SYK: variants seen among roughly 807,000 people sequenced by gnomAD.
SYK encodes tyrosine-protein kinase SYK.
In SYK, 16 loss-of-function variants were observed where a neutral mutation model predicts 77.8. That is an observed-to-expected ratio of 0.21 (90% CI 0.14 to 0.31). The LOEUF (loss-of-function observed/expected upper bound fraction) is 0.31. Among genes scored for constraint, SYK ranks in the 10% least tolerant of loss-of-function variants. The pLI, the probability that SYK is intolerant of heterozygous loss-of-function variation, is 1.00. For synonymous variants in SYK, 312 were observed against 308.7 expected, an observed-to-expected ratio of 1.01 and a Z score of -0.11; for missense variants, 529 against 814.4, an observed-to-expected ratio of 0.65 and a Z score of 4.26.
At chr9:90,866,312 T>C (rs985529107) in intron 6 of SYK, among the ~76,000 whole-genome samples, 3 of 152,226 alleles carry the variant, frequency 2.0e-5, no homozygotes, top group African/African-American at 7.2e-5. Context: ...ATATACATCC[T>C]GCCTCCAGTA....
intron 1 of SYK, among the ~76,000 whole-genome samples, chr9:90,841,029 T>G (rs994087424): frequency 6.6e-6 from 1 of 152,020 alleles, no homozygotes. Context: ...TGTGTGTGTT[T>G]TGTGTGTGTA....
At chr9:90,839,412 G>A (rs573720691) in intron 1 of SYK, among the ~76,000 whole-genome samples, 17 of 152,152 alleles carry the variant, frequency 1.1e-4, no homozygotes, top group Admixed American at 8.5e-4. Context: ...ACCTGCTTGC[G>A]AACATATCTG....
chr9:90,866,695 A>T (rs1249569905), intron 6 of SYK, among the ~76,000 whole-genome samples: 2 of 152,234 alleles, frequency 1.3e-5, no homozygotes, highest in African/African-American at 4.8e-5. Flanking sequence ...ATACGGGAAA[A>T]AAAAGGCATA....
chr9:90,892,314 T>C (rs1017897599), intron 13 of SYK, among the ~76,000 whole-genome samples: 3 of 152,160 alleles, frequency 2.0e-5, no homozygotes, highest in South Asian at 4.1e-4. Flanking sequence ...CTCAGGCCCA[T>C]TGCAGCTCCA....
chr9:90,811,246 A>G (rs17566858), intron 1 of SYK, among the ~76,000 whole-genome samples: 14,401 of 152,276 alleles, frequency 0.095, 720 homozygotes, highest in Middle Eastern at 0.14. Flanking sequence ...TTTAATTTCA[A>G]TACTTGTGGT....
intron 1 of SYK, among the ~76,000 whole-genome samples, chr9:90,827,996 C>T (rs1010803189): frequency 6.6e-6 from 1 of 151,866 alleles, no homozygotes; most frequent in African/African-American, 2.4e-5. Flanking sequence ...TTTAAATAGA[C>T]ATTCAGTAAA....
At chr9:90,889,067 G>A (rs1395450259) in intron 13 of SYK, among the ~76,000 whole-genome samples, 2 of 152,200 alleles carry the variant, frequency 1.3e-5, no homozygotes, top group Non-Finnish European at 2.9e-5. Context: ...CAGATACATT[G>A]GCTAAGGTTG....
intron 1 of SYK, among the ~76,000 whole-genome samples, chr9:90,820,909 A>G (rs1825490125): frequency 2.0e-5 from 3 of 151,170 alleles, no homozygotes; most frequent in Admixed American, 2.0e-4. Flanking sequence ...TCCCCAAGTC[A>G]CCTCTTGAAT....
At chr9:90,804,955 G>GGT (rs1824757040) in intron 1 of SYK, among the ~76,000 whole-genome samples, 1 of 151,090 alleles carries the variant, frequency 6.6e-6, no homozygotes, top group South Asian at 2.1e-4. Flanking sequence ...TCAATTTGAG[G>GGT]TTTTTTTTTC....
intron 7 of SYK, 99 bp downstream of exon 7, chr9:90,867,298 C>A: frequency 8.3e-7 from 1 of 1,204,136 alleles, no homozygotes; most frequent in Non-Finnish European, 1.2e-6. Flanking sequence ...CGCTGCCCCC[C>A]ATCTCTTGCC....
intron 1 of SYK, among the ~76,000 whole-genome samples, chr9:90,820,375 CT>C (rs1473593740): frequency 6.6e-6 from 1 of 152,234 alleles, no homozygotes; most frequent in Non-Finnish European, 1.5e-5. Flanking sequence ...GGCCCTGCCC[CT>C]GCAGCGAACT....
intron 3 of SYK, among the ~76,000 whole-genome samples, chr9:90,850,800 G>A (rs138349185): frequency 1.9e-4 from 29 of 150,262 alleles, no homozygotes; most frequent in African/African-American, 6.8e-4. Flanking sequence ...TTCCTGAAAT[G>A]CATGCACCTC....
chr9:90,887,405 C>CT (rs3056951), intron 11 of SYK, among the ~76,000 whole-genome samples: 12,840 of 128,780 alleles, frequency 0.1, 871 homozygotes, highest in South Asian at 0.21. Flanking sequence ...TTCTTTCTTT[C>CT]TTTTTTTTTT....
chr9:90,894,990 A>G (rs1828930509), intron 13 of SYK, among the ~76,000 whole-genome samples: 1 of 152,250 alleles, frequency 6.6e-6, no homozygotes, highest in Non-Finnish European at 1.5e-5. Context: ...CTAAGAACCC[A>G]TATCAACAGC....
chr9:90,885,267 C>T (rs1482457829), intron 11 of SYK, among the ~76,000 whole-genome samples: 1 of 151,662 alleles, frequency 6.6e-6, no homozygotes, highest in Non-Finnish European at 1.5e-5. Context: ...TTCTGAAAAA[C>T]AATAGAGAGA....
At chr9:90,809,457 C>T (rs1259950752) in intron 1 of SYK, among the ~76,000 whole-genome samples, 1 of 152,180 alleles carries the variant, frequency 6.6e-6, no homozygotes, top group East Asian at 1.9e-4. Flanking sequence ...AATTGGTGGG[C>T]AGGTTTGGAG....
chr9:90,870,468 A>C (rs1220963750), intron 7 of SYK, among the ~76,000 whole-genome samples: 1 of 152,226 alleles, frequency 6.6e-6, no homozygotes, highest in Admixed American at 6.5e-5. Flanking sequence ...ACTTACATTT[A>C]AGTACAGGGC....
At position 90,897,829 on chromosome 9, in the gene SYK, G is replaced by A; in HGVS notation, c.*2229G>A. ...CACCTGTGTGCAGAATTCCCACTGT[G>A]GCCAGCACGAGGAAGTCTTTTCTAG... is the stretch of plus-strand genomic sequence containing the variant. On this transcript the variant is annotated 3_prime_UTR_variant, in exon 14 of 14. Coordinates refer to ENST00000375754, the MANE Select transcript of SYK (RefSeq NM_003177.7). 3 of 223,338 alleles carry A rather than the reference G, an allele frequency of 1.3e-5. No individual in the cohort carries two copies. Among genetic ancestry groups the A allele is most frequent in the Non-Finnish European group, 2.7e-5 (3 of 111,928 alleles). 13.8% of individuals were successfully genotyped at this position (223,338 alleles called of 1,614,324 possible).
chr9:90,874,410 G>A, intron 8 of SYK, 119 bp downstream of exon 8: 1 of 1,078,938 alleles, frequency 9.3e-7, no homozygotes, highest in African/African-American at 1.5e-5. Context: ...GCCACAGTTA[G>A]CCATGGAAAC....
Sources: allele counts gnomAD v4.1 joint callset (sites outside exome capture counted in the v4.1 genomes callset), GRCh38; gene constraint gnomAD v4.1.1; transcripts MANE v1.5; gene names NCBI Gene and HGNC (gene_info 2026-07-23, HGNC 2026-07-21).